NSUN7: variants seen among roughly 807,000 people sequenced by gnomAD.
The protein encoded by NSUN7 is protein NSUN7.
In NSUN7, 39 loss-of-function variants were observed where a neutral mutation model predicts 58.5. That is an observed-to-expected ratio of 0.67 (90% confidence interval 0.52 to 0.87). The LOEUF is 0.87. Among genes scored for constraint, NSUN7 ranks in the 40% least tolerant of loss-of-function variants. The pLI, the probability that NSUN7 is intolerant of heterozygous loss-of-function variation, is 0.00. For missense variants in NSUN7, 765 were observed against 844.1 expected, an observed-to-expected ratio of 0.91 and a Z score of 1.16; for synonymous variants, 278 against 303.7, an observed-to-expected ratio of 0.92 and a Z score of 0.88.
intron 2 of NSUN7, among the ~76,000 whole-genome samples, chr4:40,757,902 T>TTTTGTTTGTTTGTTTGTTTGTTTG (rs71198603): frequency 1.3e-5 from 2 of 148,496 alleles, no homozygotes; most frequent in Non-Finnish European, 3.0e-5. Flanking sequence ...CTATTCCTGT[T>TTTTGTTTGTTTGTTTGTTTGTTTG]TTTGTTTGTT....
chr4:40,761,315 T>C lies in NSUN7; in HGVS notation c.488+14T>C. 6.3e-7 allele frequency: 1 copy of C among 1,595,548 alleles called. No individual in the cohort carries two copies. ...CCTTCTTAACAGGTAATCGTAAAAG[T>C]GAAAAGAATGTTTTATATGAAACCT... On this transcript the variant is annotated intron_variant, in intron 4 of 11. Transcript: ENST00000381782.
intron 8 of NSUN7, among the ~76,000 whole-genome samples, chr4:40,792,330 ACTAAAGG>A (rs1743106226): frequency 6.6e-6 from 1 of 152,192 alleles, no homozygotes; most frequent in African/African-American, 2.4e-5. Flanking sequence ...ATAAAAATAA[ACTAAAGG>A]CTAGAGGAGA....
chr4:40,782,222 T>G (rs1365492742), intron 7 of NSUN7, among the ~76,000 whole-genome samples: 1 of 152,150 alleles, frequency 6.6e-6, no homozygotes, highest in African/African-American at 2.4e-5. Flanking sequence ...AATAAAGTTC[T>G]TAGCAATAAA....
chr4:40,750,745 A>G lies in NSUN7; in HGVS notation c.52A>G (p.Ile18Val). The G allele has an allele frequency of 1.9e-6, 3 of 1,614,124 alleles. No individual in the cohort carries two copies. Among genetic ancestry groups the G allele is most frequent in the Middle Eastern group, 1.7e-4 (1 of 6,060 alleles). The change falls in exon 2 of 12, where the codon ATC (isoleucine) becomes GTC (valine). Residue 18 changes from isoleucine (I) to valine (V), a missense_variant. Coordinates refer to ENST00000381782, the MANE Select transcript of NSUN7 (RefSeq NM_024677.6). Reference sequence around the variant, plus strand: ...GTTTTCGAACGAAGAAGATCCCGAGATCATCTCCCAACTCACTTCCCTGCC... The same window carrying G: ...GTTTTCGAACGAAGAAGATCCCGAGGTCATCTCCCAACTCACTTCCCTGCC... ...LEFSNEEDPE[I>V]ISQLTSLPLS...
At chr4:40,786,533 C>G in intron 7 of NSUN7, 1 of 1,613,208 alleles carries the variant, frequency 6.2e-7, no homozygotes, top group Non-Finnish European at 8.5e-7. Flanking sequence ...TTGAAGAACT[C>G]ATTGTCTCTT....
chr4:40,807,595 C>T (rs977217848), intron 11 of NSUN7, among the ~76,000 whole-genome samples: 7 of 152,070 alleles, frequency 4.6e-5, no homozygotes, highest in African/African-American at 1.7e-4. Context: ...ATCCACTTGC[C>T]TCGGCCTCAC....
intron 10 of NSUN7, among the ~76,000 whole-genome samples, chr4:40,799,639 G>T (rs986411591): frequency 6.6e-6 from 1 of 152,164 alleles, no homozygotes; most frequent in Non-Finnish European, 1.5e-5. Context: ...ATTGGTTTGA[G>T]ATTTGAGCTC....
At chr4:40,803,603 A>G (rs67126076) in intron 10 of NSUN7, among the ~76,000 whole-genome samples, 25,549 of 152,180 alleles carry the variant, frequency 0.17, 2,327 homozygotes, top group Non-Finnish European at 0.19. Flanking sequence ...AGTATAGGTA[A>G]CTATTCCTAT....
chr4:40,757,444 T>A (rs1741196218), intron 2 of NSUN7, among the ~76,000 whole-genome samples: 1 of 151,162 alleles, frequency 6.6e-6, no homozygotes, highest in Non-Finnish European at 1.5e-5. Context: ...TTATGATGGG[T>A]TTATCAGGAT....
At chr4:40,768,432 C>T (rs1371084085) in intron 4 of NSUN7, among the ~76,000 whole-genome samples, 1 of 152,120 alleles carries the variant, frequency 6.6e-6, no homozygotes, top group Non-Finnish European at 1.5e-5. Flanking sequence ...GCAGGTGATC[C>T]TCCCGCCTCG....
In NSUN7 at chr4:40,809,497, T is replaced by A. The variant is rs960576782; in HGVS notation, c.*558T>A. The A allele has an allele frequency of 6.6e-6, 1 of 152,170 alleles. No homozygotes were observed. Among genetic ancestry groups the A allele is most frequent in the South Asian group, 2.1e-4 (1 of 4,828 alleles). 9.4% of individuals were successfully genotyped at this position (152,170 alleles called of 1,614,324 possible). On this transcript the variant is annotated 3_prime_UTR_variant, in exon 12 of 12. Transcript: ENST00000381782. ...GAGTTTAAGTAGGAAGCGCAGGAAG[T>A]TCCCAAGTGCCAGGTGTGTGTAGCT...
At chr4:40,796,217 G>A (rs1446190686) in intron 9 of NSUN7, among the ~76,000 whole-genome samples, 1 of 152,206 alleles carries the variant, frequency 6.6e-6, no homozygotes, top group Admixed American at 6.5e-5. Context: ...AGCCGGGCGT[G>A]TTGGCGCATG....
intron 7 of NSUN7, among the ~76,000 whole-genome samples, chr4:40,782,348 G>T (rs1487252618): frequency 1.3e-5 from 2 of 151,850 alleles, no homozygotes; most frequent in South Asian, 2.1e-4. Context: ...AGATCACTTT[G>T]AGCTCAGGAG....
At chr4:40,789,274 C>A (rs1361458084) in intron 7 of NSUN7, among the ~76,000 whole-genome samples, 1 of 151,924 alleles carries the variant, frequency 6.6e-6, no homozygotes, top group African/African-American at 2.4e-5. Context: ...TCTGGCAGGG[C>A]AAATAATGAA....
chr4:40,807,347 GTTCT>G (rs1743848938), intron 11 of NSUN7, among the ~76,000 whole-genome samples, 163 bp downstream of exon 11: 1 of 127,668 alleles, frequency 7.8e-6, no homozygotes, highest in Non-Finnish European at 1.6e-5. Context: ...AATAAGCCCT[GTTCT>G]TTTTTTTTTT....
intron 10 of NSUN7, among the ~76,000 whole-genome samples, chr4:40,803,659 C>T (rs1490214759): frequency 1.3e-5 from 2 of 152,110 alleles, no homozygotes; most frequent in Non-Finnish European, 2.9e-5. Context: ...TGCAATTCAC[C>T]ATTTTAAAGT....
At chr4:40,783,090 T>C (rs1742654230) in intron 7 of NSUN7, among the ~76,000 whole-genome samples, 2 of 152,190 alleles carry the variant, frequency 1.3e-5, no homozygotes, top group South Asian at 4.1e-4. Flanking sequence ...ACAAAGTTTA[T>C]AGGACTCACA....
intron 2 of NSUN7, among the ~76,000 whole-genome samples, chr4:40,755,718 A>G (rs1177711963): frequency 1.3e-5 from 2 of 152,246 alleles, no homozygotes; most frequent in Non-Finnish European, 2.9e-5. Context: ...ATTTGCTACA[A>G]GGACTGACAG....
intron 10 of NSUN7, among the ~76,000 whole-genome samples, chr4:40,804,243 C>A (rs1427807749): frequency 6.6e-6 from 1 of 151,898 alleles, no homozygotes; most frequent in Non-Finnish European, 1.5e-5. Context: ...AGTTCGAGAC[C>A]AGCCTGGCCA....
Sources: allele counts gnomAD v4.1 joint callset (sites outside exome capture counted in the v4.1 genomes callset), GRCh38; gene constraint gnomAD v4.1.1; transcripts MANE v1.5; gene names NCBI Gene and HGNC (gene_info 2026-07-23, HGNC 2026-07-21).